PDE2A: variants seen among roughly 807,000 people sequenced by gnomAD.
PDE2A encodes the protein phosphodiesterase 2A, also known as cGMP-dependent 3',5'-cyclic phosphodiesterase.
Under a neutral mutation model 133.6 loss-of-function variants are expected in PDE2A, and 53 were observed. The ratio of observed to expected loss-of-function variants is 0.40; its 90% CI spans 0.32 to 0.50. PDE2A has a LOEUF of 0.50. Ranked by LOEUF, PDE2A falls within the 20% of genes least tolerant of loss-of-function variation. PDE2A has a pLI of 0.73. For synonymous variants in PDE2A, 491 were observed against 490.2 expected (o/e 1.00, Z -0.02); for missense variants, 796 against 1,232.4 (o/e 0.65, Z 5.30).
intron 2 of PDE2A, among the ~76,000 whole-genome samples, chr11:72,635,142 C>T (rs1425532380): frequency 6.6e-6 from 1 of 152,172 alleles, no homozygotes; most frequent in Non-Finnish European, 1.5e-5. Flanking sequence ...AGGAAATGAG[C>T]CCCTTACCCT....
chr11:72,576,892 C>G lies in PDE2A; in HGVS notation c.*492G>C, dbSNP rs76044501. On this transcript the variant is annotated 3_prime_UTR_variant, in exon 31 of 31. Transcript: ENST00000334456. Reference sequence around the variant, plus strand: ...AGTGGTCCTCAGGGGGCCTTCGCCCCGCGGCTGTTTCTAGTCCTCCCACAG... The same window carrying G: ...AGTGGTCCTCAGGGGGCCTTCGCCCGGCGGCTGTTTCTAGTCCTCCCACAG... The G allele has an allele frequency of 0.017, 3,080 of 176,056 alleles. 98 individuals carry two copies. Among genetic ancestry groups the G allele is most frequent in the African/African-American group, 0.07 (2,918 of 41,782 alleles). 10.9% of individuals were successfully genotyped at this position (176,056 alleles called of 1,614,324 possible).
chr11:72,610,168 T>C (rs1302066330), intron 2 of PDE2A, among the ~76,000 whole-genome samples: 1 of 152,062 alleles, frequency 6.6e-6, no homozygotes, highest in African/African-American at 2.4e-5. Flanking sequence ...GGGTTATCAG[T>C]CTCCAACTCC....
Position 72,578,247 on chromosome 11 carries a change from T to C in PDE2A, c.2601A>G (p.Ala867=), listed in dbSNP as rs1135029. ...ELQISFMEHI[A]MPIYKLLQDL... ...AGCTCACTCACTTGTAGATGGGCAT[T>C]GCAATGTGCTCCATGAAGCTGATTT... Residue 867 remains alanine (A), a synonymous_variant, in exon 30 of 31, where the codon GCA becomes GCG. Coordinates refer to ENST00000334456, the MANE Select transcript of PDE2A (RefSeq NM_002599.5). The surrounding 1 kb of genome is among the most constrained non-coding windows in gnomAD (Gnocchi z 4.2). 779,988 of 1,602,784 alleles carry C rather than the reference T, an allele frequency of 0.49. 199,928 individuals are homozygous for C. The highest frequency in any genetic ancestry group is 0.54 in the Non-Finnish European group (627,515 of 1,169,874).
At chr11:72,639,462 G>T (rs1186991321) in intron 2 of PDE2A, among the ~76,000 whole-genome samples, 1 of 152,184 alleles carries the variant, frequency 6.6e-6, no homozygotes. Context: ...AAGACTGCAT[G>T]GCTGGCAAAC....
chr11:72,612,672 G>A (rs1171819346), intron 2 of PDE2A, among the ~76,000 whole-genome samples: 5 of 151,832 alleles, frequency 3.3e-5, no homozygotes, highest in Non-Finnish European at 2.9e-5. Flanking sequence ...GGTTGGGGGA[G>A]GGATGGTGGA....
chr11:72,654,583 CA>C, intron 1 of PDE2A, among the ~76,000 whole-genome samples: 1 of 152,200 alleles, frequency 6.6e-6, no homozygotes, highest in East Asian at 1.9e-4. Flanking sequence ...TAGCACCAGA[CA>C]TCTCTCCCCT....
At chr11:72,654,292 G>A (rs763486073) in intron 1 of PDE2A, among the ~76,000 whole-genome samples, 1 of 152,202 alleles carries the variant, frequency 6.6e-6, no homozygotes, top group Non-Finnish European at 1.5e-5. Context: ...GGCACTTGAC[G>A]GGCAACATCT....
intron 6 of PDE2A, among the ~76,000 whole-genome samples, chr11:72,592,776 G>C (rs1206572612): frequency 6.6e-6 from 1 of 152,058 alleles, no homozygotes; most frequent in Non-Finnish European, 1.5e-5. Flanking sequence ...GAATTTGAGG[G>C]AGGGAGATTG....
intron 1 of PDE2A, among the ~76,000 whole-genome samples, chr11:72,665,391 A>G (rs1190123992): frequency 4.9e-5 from 4 of 81,680 alleles, no homozygotes; most frequent in Non-Finnish European, 9.7e-5. Flanking sequence ...ACTCCACCCC[A>G]GAGTGTCCTC....
rs1304018730 is a variant in PDE2A, at chr11:72,577,325, G to A, written c.*59C>T. On this transcript the variant is annotated 3_prime_UTR_variant, in exon 31 of 31. Transcript: ENST00000334456. ...CGTGGCTCTGTTCCCAGTGCATCTG[G>A]CCAGACCAGTGGAGGGCTGTGGGAG... The A allele has an allele frequency of 7.3e-7, 1 of 1,362,930 alleles. No homozygotes were observed. The highest frequency in any genetic ancestry group is 1.3e-5 in the South Asian group (1 of 79,874). The allele number at this position is 1,362,930 out of a possible 1,614,324, so 84.4% of individuals were successfully genotyped here. A position where few individuals can be genotyped will look rare whatever the true frequency, so the allele number is the denominator to read the frequency against.
At chr11:72,607,681 C>T (rs779031552) in intron 3 of PDE2A, among the ~76,000 whole-genome samples, 5 of 152,086 alleles carry the variant, frequency 3.3e-5, no homozygotes, top group Non-Finnish European at 7.4e-5. Context: ...TCTGGGCCTC[C>T]GGTGGTTCAT....
In PDE2A at chr11:72,632,541, C is replaced by T. The variant is rs554447252; in HGVS notation, c.144+9713G>A. Among the ~76,000 whole-genome samples, 16 of 152,234 alleles carry T rather than the reference C, an allele frequency of 1.1e-4. No individual in the cohort carries two copies. The East Asian group carries it at 2.7e-3, about 26-fold the overall frequency. On this transcript the variant is annotated intron_variant, in intron 2 of 30. Transcript: ENST00000334456. ...CCTGTAGGGCCTGGTATGCACTGGC[C>T]CTGGCCTGTTCCTTCCCTCTGTGCA...
In PDE2A at chr11:72,578,985, T is replaced by C. The variant is rs1565145852; in HGVS notation, c.2381A>G (p.Gln794Arg). The C allele has an allele frequency of 6.2e-7, 1 of 1,613,730 alleles. No homozygotes were observed. The highest frequency in any genetic ancestry group is 8.5e-7 in the Non-Finnish European group (1 of 1,179,634). Reference sequence around the variant, plus strand: ...GAGGCAGAGGAGAAGTCTGTGGTGCTGCTTGTTGTTTCGGTCGTAGCCCAC... The same window carrying C: ...GAGGCAGAGGAGAAGTCTGTGGTGCCGCTTGTTGTTTCGGTCGTAGCCCAC... Reference protein sequence around the residue: ...AEVGYDRNNKQHHRLLLCLLM... With the variant: ...AEVGYDRNNKRHHRLLLCLLM... The change falls in exon 28 of 31, where the codon CAG (glutamine) becomes CGG (arginine). Residue 794 changes from glutamine to arginine, a missense_variant. Gln to Arg is a conservative substitution (Grantham distance 43). Coordinates refer to ENST00000334456, the MANE Select transcript of PDE2A (RefSeq NM_002599.5). The surrounding 1 kb of genome is among the most constrained non-coding windows in gnomAD (Gnocchi z 4.2).
intron 2 of PDE2A, among the ~76,000 whole-genome samples, chr11:72,635,077 G>T (rs960894118): frequency 6.6e-6 from 1 of 152,222 alleles, no homozygotes; most frequent in Admixed American, 6.5e-5. Flanking sequence ...GGAAAGGGTA[G>T]TTACCCCTCT....
At chr11:72,670,070 G>C (rs1416478524) in intron 1 of PDE2A, among the ~76,000 whole-genome samples, 3 of 152,054 alleles carry the variant, frequency 2.0e-5, no homozygotes, top group Non-Finnish European at 1.5e-5. Context: ...TCATGCCTAG[G>C]CCACTCTGAA....
chr11:72,636,089 G>A, intron 2 of PDE2A: 1 of 1,245,580 alleles, frequency 8.0e-7, no homozygotes, highest in South Asian at 1.3e-5. Context: ...GTGGGAGACA[G>A]GAAAGGCAGA....
intron 19 of PDE2A, 159 bp from the exon 20 acceptor site, chr11:72,583,674 C>T (rs1855822855): frequency 1.8e-6 from 1 of 552,066 alleles, no homozygotes; most frequent in Non-Finnish European, 3.1e-6. Flanking sequence ...AAGACCCCAC[C>T]CCCACTTTCA....
chr11:72,610,746 A>T (rs1857173381), intron 2 of PDE2A, among the ~76,000 whole-genome samples: 1 of 152,290 alleles, frequency 6.6e-6, no homozygotes, highest in African/African-American at 2.4e-5. Flanking sequence ...TCATCACAGC[A>T]CAGACAACTT....
intron 2 of PDE2A, among the ~76,000 whole-genome samples, chr11:72,609,996 A>G (rs141256919): frequency 1.1e-3 from 164 of 152,198 alleles, no homozygotes; most frequent in Middle Eastern, 6.8e-3. Flanking sequence ...CCACTTTTAT[A>G]GTCTAGTTAG....
Sources: gnomAD v4.1 joint callset for allele counts (sites outside exome capture counted in the v4.1 genomes callset) on GRCh38, gnomAD v4.1.1 for gene constraint, Gnocchi (gnomAD v3.1) non-coding constraint, MANE v1.5 for transcripts, NCBI Gene and HGNC (gene_info 2026-07-23, HGNC 2026-07-21) for gene names.